Variants in FAM120B observed in about 807,000 individuals in gnomAD.
FAM120B encodes the protein constitutive coactivator of peroxisome proliferator-activated receptor gamma.
FAM120B carries 83 observed loss-of-function variants against 96.3 expected under a neutral mutation model. That is an observed-to-expected ratio of 0.86 (90% CI 0.72 to 1.03). FAM120B has a LOEUF of 1.03. Among genes scored for constraint, FAM120B ranks in the 50% least tolerant of loss-of-function variants. FAM120B has a pLI of 0.00. For synonymous variants in FAM120B, 407 were observed against 402.7 expected, an observed-to-expected ratio of 1.01 and a Z score of -0.13; for missense variants, 1,027 against 1,121.2, an observed-to-expected ratio of 0.92 and a Z score of 1.20.
At chr6:170,327,277 A>AT in intron 3 of FAM120B, among the ~76,000 whole-genome samples, 1 of 151,918 alleles carries the variant, frequency 6.6e-6, no homozygotes, top group East Asian at 1.9e-4. Context: ...CGATCTCCTG[A>AT]CCTTGTGATC....
rs531006896 is a variant in FAM120B, at chr6:170,368,489, A to G, written c.2283+10171A>G. 5.3e-5 allele frequency among the ~76,000 whole-genome samples: 8 copies of G among 152,360 alleles called. No homozygotes were observed. In the South Asian group the frequency reaches 1.4e-3, roughly 28 times the overall value. On this transcript the variant is annotated intron_variant, in intron 6 of 10. Coordinates refer to ENST00000476287, the MANE Select transcript of FAM120B (RefSeq NM_032448.3). The stretch of plus-strand genomic sequence containing the variant: ...GACATAATGAGATCAAGCCGTTAAG[A>G]TGGCGCTTTACCGATTAAATCCCTA...
chr6:170,320,939 G>C (rs952342810), intron 2 of FAM120B, among the ~76,000 whole-genome samples: 2 of 152,216 alleles, frequency 1.3e-5, no homozygotes, highest in African/African-American at 4.8e-5. Flanking sequence ...ACTAGACATA[G>C]GGACTTGGGT....
intron 3 of FAM120B, among the ~76,000 whole-genome samples, chr6:170,325,782 A>T (rs897882990): frequency 3.3e-5 from 5 of 151,550 alleles, no homozygotes; most frequent in Non-Finnish European, 7.4e-5. Flanking sequence ...CAGAGGTTGC[A>T]GTGAGCCAAG....
At chr6:170,319,961 T>C (rs1257459603) in intron 2 of FAM120B, among the ~76,000 whole-genome samples, 4 of 152,190 alleles carry the variant, frequency 2.6e-5, no homozygotes, top group Non-Finnish European at 5.9e-5. Context: ...CCTTTGAAGA[T>C]TTTTGATGGG....
upstream of FAM120B, among the ~76,000 whole-genome samples, chr6:170,291,843 C>A (rs1038229475): frequency 1.3e-5 from 2 of 152,184 alleles, no homozygotes; most frequent in East Asian, 1.9e-4. Context: ...CAACTCCCCC[C>A]ACAGACACGC....
rs146013135 is a variant in FAM120B, at chr6:170,396,501, A to G, written c.2692+922A>G. Among the ~76,000 whole-genome samples the G allele has an allele frequency of 2.3e-3, 353 of 152,342 alleles. 2 individuals carry two copies. The highest frequency in any genetic ancestry group is 0.014 in the Middle Eastern group (4 of 294). On this transcript the variant is annotated intron_variant, in intron 9 of 10. Transcript: ENST00000476287. ...AGAGAGCTCCATGAATTTAATGCCCATCTTTGAGAGAGCTCCAGGAATTTA... is the reference window on the plus strand; with the variant it reads ...AGAGAGCTCCATGAATTTAATGCCCGTCTTTGAGAGAGCTCCAGGAATTTA...
intron 3 of FAM120B, among the ~76,000 whole-genome samples, chr6:170,326,494 G>A (rs1467377849): frequency 6.6e-6 from 1 of 152,194 alleles, no homozygotes; most frequent in Non-Finnish European, 1.5e-5. Context: ...AACCTTTGGA[G>A]ATTATGCATA....
At position 170,317,601 on chromosome 6, in the gene FAM120B, T is replaced by C; in HGVS notation, c.211T>C (p.Leu71=). The change falls in exon 2 of 11, where the codon TTG becomes CTG. Residue 71 remains leucine (L), a synonymous_variant. Transcript: ENST00000476287. ...GGQWREYFSA[L]RDFVKTFTAA... ...CCAGTGGCGAGAATACTTTTCTGCT[T>C]TGCGAGATTTTGTTAAAACTTTTAC... is the stretch of plus-strand genomic sequence containing the variant. 6.2e-7 allele frequency: 1 copy of C among 1,614,224 alleles called. No homozygotes were observed.
intron 4 of FAM120B, among the ~76,000 whole-genome samples, chr6:170,334,661 G>A (rs1436484746): frequency 4.6e-5 from 7 of 152,118 alleles, no homozygotes; most frequent in Middle Eastern, 3.4e-3. Context: ...AAACTGCCCC[G>A]ACCATTGCAG....
intron 9 of FAM120B, among the ~76,000 whole-genome samples, chr6:170,397,642 G>C (rs73040868): frequency 0.091 from 13,867 of 152,270 alleles, 691 homozygotes; most frequent in African/African-American, 0.1. Context: ...GCTTGGTCTA[G>C]ATCTAGGGTT....
upstream of FAM120B, among the ~76,000 whole-genome samples, chr6:170,291,272 C>T (rs1783864090): frequency 6.6e-6 from 1 of 152,138 alleles, no homozygotes; most frequent in Non-Finnish European, 1.5e-5. Context: ...CCTCCGCACG[C>T]CCTCCCGGGC....
chr6:170,350,400 G>A (rs913819396), intron 5 of FAM120B, among the ~76,000 whole-genome samples: 1 of 152,172 alleles, frequency 6.6e-6, no homozygotes, highest in Non-Finnish European at 1.5e-5. Context: ...CAGGCAGTCC[G>A]GATGAGGGAG....
At position 170,341,576 on chromosome 6, in the gene FAM120B, C is replaced by T. The variant is rs570588209; in HGVS notation, c.2018-6575C>T. On this transcript the variant is annotated intron_variant, in intron 4 of 10. Transcript: ENST00000476287. ...ACTCCTGCAGCTAGCTCGGTGTCTG[C>T]CCAAACAGCTGCCCAGTTTTGTGCT... is the stretch of plus-strand genomic sequence containing the variant. Among the ~76,000 whole-genome samples the T allele has an allele frequency of 3.3e-4, 50 of 152,330 alleles. 1 individual carries two copies. In the South Asian group the frequency reaches 0.01, roughly 31 times the overall value.
At chr6:170,322,980 T>C in intron 2 of FAM120B, 99 bp from the exon 3 acceptor site, 1 of 1,023,546 alleles carries the variant, frequency 9.8e-7, no homozygotes, top group Non-Finnish European at 1.4e-6. Context: ...CTGAGGGCCT[T>C]AAAAAACTGG....
rs151158675 is a variant in FAM120B at position 170,336,922 on chromosome 6, G to C, written c.2017+6372G>C. Among the ~76,000 whole-genome samples the C allele has an allele frequency of 0.01, 1,543 of 152,270 alleles. 66 individuals are homozygous for C. In the East Asian group the frequency reaches 0.11, roughly 10 times the overall value. Reference sequence around the variant, plus strand: ...TTGCTGAAGTTGCTTATCACCTTAAGGAGTTTTTGGGCTGAGACAATGGGG... The same window carrying C: ...TTGCTGAAGTTGCTTATCACCTTAACGAGTTTTTGGGCTGAGACAATGGGG... On this transcript the variant is annotated intron_variant, in intron 4 of 10. Coordinates refer to ENST00000476287, the MANE Select transcript of FAM120B (RefSeq NM_032448.3).
At chr6:170,396,109 C>T (rs941318406) in intron 9 of FAM120B, among the ~76,000 whole-genome samples, 11 of 152,120 alleles carry the variant, frequency 7.2e-5, no homozygotes, top group African/African-American at 2.7e-4. Context: ...GCTCAAATTC[C>T]GTATAGTTTT....
At chr6:170,398,081 A>G (rs2115335544) in intron 9 of FAM120B, among the ~76,000 whole-genome samples, 1 of 152,342 alleles carries the variant, frequency 6.6e-6, no homozygotes, top group South Asian at 2.1e-4. Context: ...GAAAGAGGCT[A>G]CGGGTTCTGC....
intron 9 of FAM120B, among the ~76,000 whole-genome samples, chr6:170,401,150 TCTCA>T (rs1459512166): frequency 1.3e-5 from 2 of 152,178 alleles, no homozygotes; most frequent in African/African-American, 4.8e-5. Context: ...CAGGGGAAAG[TCTCA>T]CTCTTGGAAC....
chr6:170,311,526 TCC>T (rs1406415467), intron 1 of FAM120B, among the ~76,000 whole-genome samples: 1 of 152,216 alleles, frequency 6.6e-6, no homozygotes, highest in Non-Finnish European at 1.5e-5. Context: ...GCTCATGCCT[TCC>T]TCTGGCCACA....
Sources: allele counts gnomAD v4.1 joint callset (sites outside exome capture counted in the v4.1 genomes callset), GRCh38; gene constraint gnomAD v4.1.1; transcripts MANE v1.5; gene names NCBI Gene and HGNC (gene_info 2026-07-23, HGNC 2026-07-21).